Variants in CCSER1 observed in about 807,000 individuals in gnomAD.
The protein encoded by CCSER1 is serine-rich coiled-coil domain-containing protein 1.
CCSER1 carries 41 observed loss-of-function variants against 82.0 expected under a neutral mutation model. The ratio of observed to expected loss-of-function variants is 0.50; its 90% confidence interval spans 0.39 to 0.65. CCSER1 has a LOEUF of 0.65. Ranked by LOEUF, CCSER1 falls within the 30% of genes least tolerant of loss-of-function variation. The pLI, the probability that CCSER1 is intolerant of heterozygous loss-of-function variation, is 0.00. For missense variants in CCSER1, 1,119 were observed against 1,064.2 expected, an observed-to-expected ratio of 1.05 and a Z score of -0.72; for synonymous variants, 414 against 383.9, an observed-to-expected ratio of 1.08 and a Z score of -0.92.
intron 10 of CCSER1, among the ~76,000 whole-genome samples, chr4:91,267,971 T>C (rs1343845478): frequency 6.6e-6 from 1 of 152,178 alleles, no homozygotes; most frequent in Non-Finnish European, 1.5e-5. Flanking sequence ...TAGCAGGAGA[T>C]GTATTATTGA....
chr4:90,400,313 C>A (rs921427983), intron 4 of CCSER1, among the ~76,000 whole-genome samples, 184 bp downstream of exon 4: 2 of 151,678 alleles, frequency 1.3e-5, no homozygotes, highest in Non-Finnish European at 2.9e-5. Flanking sequence ...GATTTTAAAG[C>A]CTTTTATGGA....
intron 10 of CCSER1, among the ~76,000 whole-genome samples, chr4:91,361,122 G>C (rs918812108): frequency 4.0e-5 from 6 of 151,734 alleles, no homozygotes; most frequent in African/African-American, 1.5e-4. Flanking sequence ...GCAGATGCTA[G>C]ACCAGAAATA....
intron 10 of CCSER1, among the ~76,000 whole-genome samples, chr4:91,441,086 T>C (rs1334215437): frequency 6.6e-6 from 1 of 151,740 alleles, no homozygotes; most frequent in African/African-American, 2.4e-5. Flanking sequence ...TTCCAATCAA[T>C]AGAAAAAGAG....
In CCSER1 at chr4:90,229,282, T is replaced by C. The variant is rs541085629; in HGVS notation, c.-41-78962T>C. 2.9e-4 allele frequency among the ~76,000 whole-genome samples: 44 copies of C among 152,136 alleles called. No individual in the cohort carries two copies. The East Asian group carries it at 7.9e-3, about 27-fold the overall frequency. The stretch of plus-strand genomic sequence containing the variant: ...CTGACAGCAGATCTCTCAGCAGAAA[T>C]TCTACAAGCCAGAAGAGAGTGGGGG... On this transcript the variant is annotated intron_variant, in intron 1 of 10. Transcript: ENST00000509176.
chr4:90,963,583 A>G (rs192326366), intron 9 of CCSER1, among the ~76,000 whole-genome samples: 8 of 152,204 alleles, frequency 5.3e-5, no homozygotes, highest in African/African-American at 1.7e-4. Context: ...GTGTCCTTGT[A>G]AGAAGACGGA....
intron 1 of CCSER1, among the ~76,000 whole-genome samples, chr4:90,201,530 T>C (rs1737701641): frequency 6.7e-6 from 1 of 149,318 alleles, no homozygotes; most frequent in African/African-American, 2.4e-5. Context: ...GTATTAAATT[T>C]AATATATCTA....
At chr4:90,182,274 C>G (rs1016292248) in intron 1 of CCSER1, among the ~76,000 whole-genome samples, 3 of 151,920 alleles carry the variant, frequency 2.0e-5, no homozygotes, top group African/African-American at 7.3e-5. Context: ...CACTAGAATA[C>G]AGTTGTTTTT....
chr4:90,222,644 C>G (rs1175966909), intron 1 of CCSER1, among the ~76,000 whole-genome samples: 3 of 152,194 alleles, frequency 2.0e-5, no homozygotes, highest in Non-Finnish European at 2.9e-5. Context: ...TTGGTACTCT[C>G]TACCAACATT....
At chr4:90,292,137 G>T (rs986469113) in intron 1 of CCSER1, among the ~76,000 whole-genome samples, 3 of 151,862 alleles carry the variant, frequency 2.0e-5, no homozygotes, top group South Asian at 2.1e-4. Context: ...TACTTTGACT[G>T]TCTTTACTAT....
intron 7 of CCSER1, among the ~76,000 whole-genome samples, chr4:90,802,480 G>A (rs564096540): frequency 6.6e-6 from 1 of 151,716 alleles, no homozygotes; most frequent in South Asian, 2.1e-4. Flanking sequence ...TCAATGGAAT[G>A]TTAATCTCTT....
chr4:90,903,060 G>A lies in CCSER1; in HGVS notation c.2095-20310G>A, dbSNP rs149396308. ...GGTACACCCTTTGGCTGCTACCACC[G>A]CACATTGACCATTCTCTAAAATTGA... On this transcript the variant is annotated intron_variant, in intron 8 of 10. Coordinates refer to ENST00000509176, the MANE Select transcript of CCSER1 (RefSeq NM_001145065.2). Among the ~76,000 whole-genome samples, 772 of 152,178 alleles carry A rather than the reference G, an allele frequency of 5.1e-3. 5 individuals are homozygous for A. Among genetic ancestry groups the A allele is most frequent in the Middle Eastern group, 0.034 (10 of 294 alleles).
In CCSER1 at chr4:90,840,777, C is replaced by G. The variant is rs549982350; in HGVS notation, c.2094+24932C>G. On this transcript the variant is annotated intron_variant, in intron 8 of 10. Transcript: ENST00000509176. Reference sequence around the variant, plus strand: ...TCTTTTTTTTTTTAATAGTTATAACCTTGTATGCAAGTCACTGTGAATTTT... The same window carrying G: ...TCTTTTTTTTTTTAATAGTTATAACGTTGTATGCAAGTCACTGTGAATTTT... Among the ~76,000 whole-genome samples the G allele has an allele frequency of 5.9e-5, 9 of 151,782 alleles. No individual in the cohort carries two copies. The South Asian group carries it at 1.7e-3, about 28-fold the overall frequency.
intron 10 of CCSER1, among the ~76,000 whole-genome samples, chr4:91,130,524 T>C (rs905320337): frequency 2.0e-5 from 3 of 151,884 alleles, no homozygotes; most frequent in Non-Finnish European, 2.9e-5. Flanking sequence ...TTCATCCTCA[T>C]GGTAATCTTT....
chr4:91,317,526 C>G (rs1241142617), intron 10 of CCSER1, among the ~76,000 whole-genome samples: 2 of 151,830 alleles, frequency 1.3e-5, no homozygotes, highest in African/African-American at 2.4e-5. Context: ...TCAGCTTTGC[C>G]TGGAAAAGTA....
chr4:90,815,482 CA>C (rs1443436386), intron 7 of CCSER1, among the ~76,000 whole-genome samples: 1 of 150,782 alleles, frequency 6.6e-6, no homozygotes, highest in African/African-American at 2.4e-5. Flanking sequence ...AGAGGAATAC[CA>C]AAAACAAAAC....
At chr4:91,249,598 G>A (rs72670904) in intron 10 of CCSER1, among the ~76,000 whole-genome samples, 2,290 of 152,064 alleles carry the variant, frequency 0.015, 22 homozygotes, top group Admixed American at 0.028. Flanking sequence ...TCTGTTCTAG[G>A]CCTTTACTTA....
At chr4:90,477,267 C>T (rs988926251) in intron 5 of CCSER1, among the ~76,000 whole-genome samples, 6 of 152,146 alleles carry the variant, frequency 3.9e-5, no homozygotes, top group African/African-American at 9.7e-5. Context: ...AAAGCAGAAA[C>T]TTTGAAATCT....
rs562813650 is a variant in CCSER1 at position 90,737,336 on chromosome 4, T to G, written c.2010+13345T>G. Among the ~76,000 whole-genome samples, 16 of 152,308 alleles carry G rather than the reference T, an allele frequency of 1.1e-4. No homozygotes were observed. In the East Asian group the frequency reaches 2.3e-3, roughly 22 times the overall value. ...CAAAATCCCTCGTCTTTTGTTTGACTGAGAACATCTTTATTTCTCCTTTAT... is the reference window on the plus strand; with the variant it reads ...CAAAATCCCTCGTCTTTTGTTTGACGGAGAACATCTTTATTTCTCCTTTAT... On this transcript the variant is annotated intron_variant, in intron 7 of 10. Coordinates refer to ENST00000509176, the MANE Select transcript of CCSER1 (RefSeq NM_001145065.2).
intron 10 of CCSER1, among the ~76,000 whole-genome samples, chr4:91,286,856 T>C (rs1743315363): frequency 6.6e-6 from 1 of 151,848 alleles, no homozygotes; most frequent in African/African-American, 2.4e-5. Flanking sequence ...TAAATGTAGG[T>C]CACATGCTTT....
Sources: allele counts gnomAD v4.1 joint callset (sites outside exome capture counted in the v4.1 genomes callset), GRCh38; gene constraint gnomAD v4.1.1; transcripts MANE v1.5; gene names NCBI Gene and HGNC (gene_info 2026-07-23, HGNC 2026-07-21).